Variants in MAP4K5 observed in about 807,000 individuals in gnomAD.
MAP4K5 encodes the protein mitogen-activated protein kinase kinase kinase kinase 5, also known as MAPK/ERK kinase kinase kinase 5.
MAP4K5 carries 82 observed loss-of-function variants against 135.6 expected under a neutral mutation model. The observed-to-expected ratio is 0.60, with a 90% CI of 0.51 to 0.73. The LOEUF is 0.73. MAP4K5 is among the 30% of genes least tolerant of loss of function. The probability of loss-of-function intolerance (pLI) is 0.00; values close to 1 mark genes in which losing one functional copy is unlikely to be tolerated. For missense variants in MAP4K5, 907 were observed against 1,010.9 expected (o/e 0.90, Z 1.39); for synonymous variants, 347 against 335.0 (o/e 1.04, Z -0.39).
chr14:50,461,116 C>T (rs1353614486), intron 13 of MAP4K5, among the ~76,000 whole-genome samples: 4 of 152,096 alleles, frequency 2.6e-5, no homozygotes, highest in Non-Finnish European at 2.9e-5. Context: ...ACCTCTGCCT[C>T]CTGGGTTCAA....
chr14:50,479,186 C>CTTT (rs34038301), intron 6 of MAP4K5, among the ~76,000 whole-genome samples: 55 of 142,012 alleles, frequency 3.9e-4, no homozygotes, highest in Non-Finnish European at 4.4e-4. Flanking sequence ...CATTCTCTCT[C>CTTT]TTTTTTTTTT....
intron 2 of MAP4K5, among the ~76,000 whole-genome samples, chr14:50,515,651 C>T (rs1221489272): frequency 5.3e-5 from 8 of 152,158 alleles, no homozygotes; most frequent in Admixed American, 5.2e-4. Flanking sequence ...TTCAAATCAA[C>T]ACAAATCCCA....
At position 50,428,665 on chromosome 14, in the gene MAP4K5, C is replaced by T; in HGVS notation, c.2323G>A (p.Val775Ile). ...TTATGAAAAAAAGGAAACTTACCTACAGATTCAATGCGAAAATCAAAACTT... is the reference window on the plus strand; with the variant it reads ...TTATGAAAAAAAGGAAACTTACCTATAGATTCAATGCGAAAATCAAAACTT... ...ELSFDFRIES[V>I]VCLQDSVLAF... The change falls in exon 30 of 33, where the codon GTA (valine) becomes ATA (isoleucine). Residue 775 changes from valine to isoleucine, a missense_variant. By Grantham distance (29) the Val-to-Ile change is conservative. Transcript: ENST00000682126. The T allele has an allele frequency of 6.7e-7, 1 of 1,492,478 alleles. No individual in the cohort carries two copies. Among genetic ancestry groups the T allele is most frequent in the South Asian group, 1.3e-5 (1 of 75,952 alleles). The allele number at this position is 1,492,478 out of a possible 1,614,324, so 92.5% of individuals were successfully genotyped here.
At chr14:50,448,877 G>T in intron 14 of MAP4K5, 45 bp from the exon 15 acceptor site, 1 of 983,402 alleles carries the variant, frequency 1.0e-6, no homozygotes, top group East Asian at 2.7e-5. Flanking sequence ...CATCTCAAAG[G>T]GTTGATCTCA....
intron 2 of MAP4K5, among the ~76,000 whole-genome samples, chr14:50,539,458 C>T (rs1216229291): frequency 1.3e-5 from 2 of 152,138 alleles, no homozygotes; most frequent in African/African-American, 4.8e-5. Flanking sequence ...TCTCTCATAG[C>T]TAAGGGGAAG....
At chr14:50,548,190 C>T (rs1397720306) in intron 1 of MAP4K5, among the ~76,000 whole-genome samples, 2 of 152,186 alleles carry the variant, frequency 1.3e-5, no homozygotes, top group Non-Finnish European at 2.9e-5. Context: ...GATAGTACAG[C>T]AGCTTGTTCC....
chr14:50,542,224 T>C (rs2038573391), intron 2 of MAP4K5, among the ~76,000 whole-genome samples: 1 of 129,854 alleles, frequency 7.7e-6, no homozygotes, highest in Non-Finnish European at 1.5e-5. Flanking sequence ...AAGTGAGAGT[T>C]GAACAATGAG....
At chr14:50,427,976 C>G (rs1194780277) in intron 30 of MAP4K5, among the ~76,000 whole-genome samples, 1 of 151,972 alleles carries the variant, frequency 6.6e-6, no homozygotes, top group Non-Finnish European at 1.5e-5. Context: ...ACCTTCCTGA[C>G]TGGGAAAGAA....
intron 1 of MAP4K5, among the ~76,000 whole-genome samples, chr14:50,549,891 C>T (rs2038680252): frequency 6.6e-6 from 1 of 152,214 alleles, no homozygotes; most frequent in Admixed American, 6.5e-5. Flanking sequence ...CACTTGGCAT[C>T]ATTCCGTATG....
In MAP4K5 at chr14:50,495,080, T is replaced by C. The variant is rs548243643; in HGVS notation, c.167-8886A>G. On this transcript the variant is annotated intron_variant, in intron 3 of 32. Transcript: ENST00000682126. ...AACAAAAAACAGACGAGACTACAAA[T>C]GAAATTTAAAAAATTTTGTTCACCA... is the stretch of plus-strand genomic sequence containing the variant. Among the ~76,000 whole-genome samples, 13 of 152,230 alleles carry C rather than the reference T, an allele frequency of 8.5e-5. No individual in the cohort carries two copies. In the South Asian group the frequency reaches 2.7e-3, roughly 32 times the overall value.
At chr14:50,511,294 T>C (rs2037924762) in intron 2 of MAP4K5, among the ~76,000 whole-genome samples, 1 of 152,160 alleles carries the variant, frequency 6.6e-6, no homozygotes, top group Non-Finnish European at 1.5e-5. Context: ...TTAAGTGAAA[T>C]TGGCCAGGAA....
chr14:50,476,033 T>G (rs1426913920), intron 8 of MAP4K5, 95 bp downstream of exon 8: 1 of 642,322 alleles, frequency 1.6e-6, no homozygotes, highest in African/African-American at 1.9e-5. Context: ...AAATGAAATC[T>G]GCATAATGTT....
intron 29 of MAP4K5, 142 bp downstream of exon 29, chr14:50,429,050 G>A: frequency 1.7e-6 from 1 of 586,388 alleles, no homozygotes. Context: ...GCCATAAGAG[G>A]TGATTTTTTT....
chr14:50,498,116 T>C (rs996773973), intron 3 of MAP4K5, among the ~76,000 whole-genome samples: 1 of 152,128 alleles, frequency 6.6e-6, no homozygotes, highest in African/African-American at 2.4e-5. Flanking sequence ...TGAGCATCTG[T>C]AAAATGAGTT....
rs775247086 is a variant in MAP4K5, at chr14:50,437,504, A to G, written c.1854T>C (p.Asp618=). The G allele has an allele frequency of 3.7e-6, 6 of 1,604,258 alleles. No homozygotes were observed. In the South Asian group the frequency reaches 6.7e-5, roughly 18 times the overall value. Residue 618 remains aspartate, a synonymous_variant, in exon 26 of 33, where the codon GAT becomes GAC. Transcript: ENST00000682126. ...RKFALTTKIP[D]TKGCHKCCIV... is the part of the protein sequence containing the mutation. ...TGCAACATTTGTGGCAGCCTTTTGT[A>G]TCAGGAATCTTTGTTGTTAAAGCGA...
At chr14:50,523,696 T>C (rs1347314618) in intron 2 of MAP4K5, among the ~76,000 whole-genome samples, 1 of 152,188 alleles carries the variant, frequency 6.6e-6, no homozygotes, top group Non-Finnish European at 1.5e-5. Flanking sequence ...TTATACAATG[T>C]GTTTATTATG....
At chr14:50,498,172 C>T (rs1266747742) in intron 3 of MAP4K5, among the ~76,000 whole-genome samples, 1 of 152,140 alleles carries the variant, frequency 6.6e-6, no homozygotes, top group Admixed American at 6.6e-5. Context: ...AACATGGTGG[C>T]ATGAACCATC....
chr14:50,505,048 TA>T (rs984811524), intron 2 of MAP4K5, 191 bp from the exon 3 acceptor site: 1 of 440,774 alleles, frequency 2.3e-6, no homozygotes, highest in African/African-American at 2.1e-5. Context: ...CAAAAGTGTT[TA>T]AAAAATTACC....
intron 29 of MAP4K5, 129 bp from the exon 30 acceptor site, chr14:50,428,883 AGG>A: frequency 1.6e-6 from 1 of 643,152 alleles, no homozygotes; most frequent in African/African-American, 1.9e-5. Context: ...ATCTTGAGTC[AGG>A]TATGCCAAAT....
Sources: gnomAD v4.1 joint callset for allele counts (sites outside exome capture counted in the v4.1 genomes callset) on GRCh38, gnomAD v4.1.1 for gene constraint, MANE v1.5 for transcripts, NCBI Gene and HGNC (gene_info 2026-07-23, HGNC 2026-07-21) for gene names.